Variants in FRMD4B observed in about 807,000 individuals in gnomAD.
The protein encoded by FRMD4B is FERM domain-containing protein 4B.
Under a neutral mutation model 141.5 loss-of-function variants are expected in FRMD4B, and 74 were observed. The ratio of observed to expected loss-of-function variants is 0.52; its 90% CI spans 0.43 to 0.63. FRMD4B has a LOEUF of 0.63. Among genes scored for constraint, FRMD4B ranks in the 30% least tolerant of loss-of-function variants. The pLI, the probability that FRMD4B is intolerant of heterozygous loss-of-function variation, is 0.00. For missense variants in FRMD4B, 1,366 were observed against 1,253.4 expected (o/e 1.09, Z -1.36); for synonymous variants, 506 against 467.9 (o/e 1.08, Z -1.05).
intron 2 of FRMD4B, among the ~76,000 whole-genome samples, chr3:69,412,805 G>GA (rs1396644024): frequency 6.7e-6 from 1 of 148,488 alleles, no homozygotes; most frequent in Non-Finnish European, 1.5e-5. Flanking sequence ...TGGGCAGTCA[G>GA]AGGAGACCTA....
intron 1 of FRMD4B, among the ~76,000 whole-genome samples, chr3:69,491,081 G>A (rs34498656): frequency 0.33 from 50,364 of 152,014 alleles, 8,821 homozygotes; most frequent in Non-Finnish European, 0.4. Context: ...ACTAGTCTCA[G>A]GAAAGATCAA....
At chr3:69,388,198 C>T (rs1704306917), upstream of FRMD4B, among the ~76,000 whole-genome samples, 1 of 152,098 alleles carries the variant, frequency 6.6e-6, no homozygotes, top group South Asian at 2.1e-4. Context: ...ATGACACCAT[C>T]CTCTCAGAAG....
At chr3:69,199,468 A>T (rs1326105818) in intron 11 of FRMD4B, among the ~76,000 whole-genome samples, 1 of 152,254 alleles carries the variant, frequency 6.6e-6, no homozygotes, top group Non-Finnish European at 1.5e-5. Flanking sequence ...GGATATTTCA[A>T]TAACATCAGA....
intron 5 of FRMD4B, among the ~76,000 whole-genome samples, chr3:69,276,821 C>CG (rs1304041166): frequency 3.3e-5 from 5 of 152,062 alleles, no homozygotes; most frequent in Non-Finnish European, 7.3e-5. Flanking sequence ...AAAAATTAGC[C>CG]GGGCATGGCG....
In FRMD4B at chr3:69,182,700, T is replaced by C. The variant is rs753053191; in HGVS notation, c.1937A>G (p.His646Arg). The C allele has an allele frequency of 5.6e-6, 9 of 1,612,870 alleles. No individual in the cohort carries two copies. The highest frequency in any genetic ancestry group is 5.1e-6 in the Non-Finnish European group (6 of 1,179,512). ...TRQSREMLSTHSSPYKTLERR... is the reference protein window; with the variant it reads ...TRQSREMLSTRSSPYKTLERR... ...CTCCAGAGTTTTGTAAGGGCTGCTG[T>C]GTGTGGACAGCATTTCTCTGTGATG... Residue 646 changes from histidine (H) to arginine (R), a missense_variant, in exon 20 of 23, where the codon CAC becomes CGC. Coordinates refer to ENST00000398540, the MANE Select transcript of FRMD4B (RefSeq NM_015123.3).
intron 7 of FRMD4B, among the ~76,000 whole-genome samples, chr3:69,237,528 C>T (rs2093352900): frequency 6.6e-6 from 1 of 152,184 alleles, no homozygotes; most frequent in African/African-American, 2.4e-5. Flanking sequence ...AGCTCCTTCA[C>T]AGGGCTACAG....
In FRMD4B at chr3:69,185,439, T is replaced by G. The variant is rs575355276; in HGVS notation, c.1919+2331A>C. The stretch of plus-strand genomic sequence containing the variant: ...GAGAATAATTTCCTTTATTTAAATT[T>G]TTTTAATTTATATTTTTGGCCCTTG... On this transcript the variant is annotated intron_variant, in intron 19 of 22. Coordinates refer to ENST00000398540, the MANE Select transcript of FRMD4B (RefSeq NM_015123.3). Among the ~76,000 whole-genome samples, 329 of 152,344 alleles carry G rather than the reference T, an allele frequency of 2.2e-3. 1 individual carries two copies. Among genetic ancestry groups the G allele is most frequent in the Middle Eastern group, 6.8e-3 (2 of 294 alleles).
intron 5 of FRMD4B, among the ~76,000 whole-genome samples, chr3:69,262,678 T>A (rs1272712989): frequency 6.6e-6 from 1 of 150,640 alleles, no homozygotes; most frequent in Non-Finnish European, 1.5e-5. Context: ...AGGCTGTTCT[T>A]GAACTCCCAG....
At chr3:69,457,386 C>T (rs938716694) in intron 1 of FRMD4B, among the ~76,000 whole-genome samples, 1 of 152,094 alleles carries the variant, frequency 6.6e-6, no homozygotes, top group Non-Finnish European at 1.5e-5. Context: ...AATAAACATG[C>T]TTTACTTTTG....
At chr3:69,375,246 TCCATCCATCCACCCCATC>T (rs764987984) in intron 1 of FRMD4B, among the ~76,000 whole-genome samples, 14,693 of 56,592 alleles carry the variant, frequency 0.26, 874 homozygotes, top group East Asian at 0.42. Flanking sequence ...CCCCATCCCA[TCCATCCATCCACCCCATC>T]CCATCCATCC....
chr3:69,509,304 A>G (rs1706649785), intron 1 of FRMD4B, among the ~76,000 whole-genome samples: 1 of 152,188 alleles, frequency 6.6e-6, no homozygotes, highest in Non-Finnish European at 1.5e-5. Flanking sequence ...GGCCAGTTGA[A>G]CGGGCAAGTC....
chr3:69,181,962 G>T (rs867581914), intron 20 of FRMD4B, among the ~76,000 whole-genome samples: 1 of 152,202 alleles, frequency 6.6e-6, no homozygotes, highest in Middle Eastern at 3.4e-3. Context: ...CCTTCCTTGA[G>T]GGTAGGGAAA....
At position 69,519,997 on chromosome 3, in the gene FRMD4B, C is replaced by CATATATATAT. The variant is rs71618288; in HGVS notation, c.-129+22199_-129+22208dup. Among the ~76,000 whole-genome samples the CATATATATAT allele has an allele frequency of 4.1e-3, 361 of 88,354 alleles. 7 individuals carry two copies. Among genetic ancestry groups the CATATATATAT allele is most frequent in the East Asian group, 8.2e-3 (21 of 2,548 alleles). The allele number at this position is 88,354 out of a possible 152,430, so 58.0% of individuals were successfully genotyped here. Reference sequence around the variant, plus strand: ...TCCTTTTTGTGGCTGAGTAGTATTCCATATATATATATATATATATATATA... The same window carrying CATATATATAT: ...TCCTTTTTGTGGCTGAGTAGTATTCCATATATATATATATATATATATATATATATATATA... On this transcript the variant is annotated intron_variant, in intron 1 of 5. Coordinates refer to the FRMD4B transcript ENST00000459638.
intron 1 of FRMD4B, among the ~76,000 whole-genome samples, chr3:69,469,498 A>G (rs1309425671): frequency 6.6e-6 from 1 of 152,222 alleles, no homozygotes; most frequent in Non-Finnish European, 1.5e-5. Context: ...GCAATCAGCA[A>G]TACTTTGTTG....
At chr3:69,401,996 C>A (rs982038481) in intron 2 of FRMD4B, among the ~76,000 whole-genome samples, 1 of 152,178 alleles carries the variant, frequency 6.6e-6, no homozygotes, top group Admixed American at 6.5e-5. Flanking sequence ...GTAGCCTGTG[C>A]GTAGGCAATT....
chr3:69,505,021 G>A (rs1351246548), intron 1 of FRMD4B, among the ~76,000 whole-genome samples: 1 of 152,076 alleles, frequency 6.6e-6, no homozygotes, highest in Non-Finnish European at 1.5e-5. Flanking sequence ...CATCCCCAGG[G>A]ATTCTATCCT....
At chr3:69,287,896 A>T (rs1014442011) in intron 4 of FRMD4B, 60 bp from the exon 5 acceptor site, 5 of 751,246 alleles carry the variant, frequency 6.7e-6, no homozygotes, top group Non-Finnish European at 1.1e-5. Context: ...AGCATTCCTC[A>T]TTCAGTGTTC....
chr3:69,184,656 A>G (rs1448877242), intron 19 of FRMD4B, among the ~76,000 whole-genome samples: 1 of 152,242 alleles, frequency 6.6e-6, no homozygotes, highest in Non-Finnish European at 1.5e-5. Flanking sequence ...AATTTTTAAG[A>G]CAATGATTCC....
intron 4 of FRMD4B, among the ~76,000 whole-genome samples, chr3:69,291,299 G>A (rs9820201): frequency 1.7e-3 from 264 of 152,108 alleles, no homozygotes; most frequent in African/African-American, 5.7e-3. Flanking sequence ...TTAAAAACAC[G>A]GGGTCAATGA....
Sources: allele counts gnomAD v4.1 joint callset (sites outside exome capture counted in the v4.1 genomes callset), GRCh38; gene constraint gnomAD v4.1.1; transcripts MANE v1.5; gene names NCBI Gene and HGNC (gene_info 2026-07-23, HGNC 2026-07-21).